TPGS2: variants seen among roughly 807,000 people sequenced by gnomAD.
The protein encoded by TPGS2 is tubulin polyglutamylase complex subunit 2.
Under a neutral mutation model 31.1 loss-of-function variants are expected in TPGS2, and 26 were observed. That is an observed-to-expected ratio of 0.84 (90% CI 0.61 to 1.16). The LOEUF is 1.16. Ranked by LOEUF, TPGS2 falls within the 50% of genes most tolerant of loss-of-function variation. TPGS2 has a pLI of 0.00. For synonymous variants in TPGS2, 130 were observed against 136.6 expected, an observed-to-expected ratio of 0.95 and a Z score of 0.34; for missense variants, 351 against 363.8, an observed-to-expected ratio of 0.96 and a Z score of 0.29.
intron 3 of TPGS2, chr18:36,805,968 C>G (rs541983836): frequency 6.6e-6 from 1 of 152,624 alleles, no homozygotes; most frequent in East Asian, 1.9e-4. Flanking sequence ...AAATTCCCCC[C>G]TTCTCTTTAT....
At chr18:36,815,027 T>G (rs1011516423) in intron 2 of TPGS2, among the ~76,000 whole-genome samples, 5 of 152,330 alleles carry the variant, frequency 3.3e-5, no homozygotes, top group Middle Eastern at 6.8e-3. Context: ...AGGGGCCTTA[T>G]CTGAATGTAT....
chr18:36,821,408 G>C (rs1147762), intron 1 of TPGS2, among the ~76,000 whole-genome samples: 14,912 of 152,116 alleles, frequency 0.098, 2,492 homozygotes, highest in African/African-American at 0.34. Flanking sequence ...CACAGAACTG[G>C]GAGAGACAGT....
chr18:36,813,175 A>C (rs1374424101), intron 2 of TPGS2, among the ~76,000 whole-genome samples: 1 of 152,186 alleles, frequency 6.6e-6, no homozygotes, highest in Non-Finnish European at 1.5e-5. Flanking sequence ...AATAGAGATA[A>C]ATGTTTAATA....
chr18:36,805,332 T>C (rs769316832), intron 4 of TPGS2, 42 bp downstream of exon 4: 1 of 1,609,148 alleles, frequency 6.2e-7, no homozygotes, highest in East Asian at 2.2e-5. Context: ...GGCATGGAGC[T>C]GGATGCTGGA....
At chr18:36,787,658 C>G (rs1018532506) in intron 6 of TPGS2, among the ~76,000 whole-genome samples, 7 of 152,176 alleles carry the variant, frequency 4.6e-5, no homozygotes, top group Admixed American at 3.3e-4. Context: ...CTTATTTAGA[C>G]AAGGTGATTT....
chr18:36,805,122 C>T (rs1423675854), intron 4 of TPGS2, among the ~76,000 whole-genome samples: 1 of 152,190 alleles, frequency 6.6e-6, no homozygotes, highest in Non-Finnish European at 1.5e-5. Context: ...CCCAGTTGCT[C>T]CTAGGTTTTA....
chr18:36,800,354 C>T (rs1208613285), intron 4 of TPGS2, 43 bp from the exon 5 acceptor site: 5 of 1,561,950 alleles, frequency 3.2e-6, no homozygotes, highest in Admixed American at 3.3e-5. Context: ...ACAAACTCAA[C>T]TCAAACACAT....
rs889606940 is a variant in TPGS2, at chr18:36,800,787, T to C, written c.383-476A>G. ...TCACTGCAACCTCCACCTCCCGGGT[T>C]GAAGCAATTCTCCTACTTCAGCCTC... is the stretch of plus-strand genomic sequence containing the variant. On this transcript the variant is annotated intron_variant, in intron 4 of 6. Transcript: ENST00000334295. Among the ~76,000 whole-genome samples the C allele has an allele frequency of 2.0e-5, 3 of 152,088 alleles. No individual in the cohort carries two copies. The East Asian group carries it at 5.8e-4, about 29-fold the overall frequency.
chr18:36,822,057 G>A (rs1006430820), intron 1 of TPGS2, among the ~76,000 whole-genome samples: 1 of 152,204 alleles, frequency 6.6e-6, no homozygotes, highest in Admixed American at 6.5e-5. Flanking sequence ...TGGTCTCAGA[G>A]GGCTGGAAGT....
intron 5 of TPGS2, 68 bp from the exon 6 acceptor site, chr18:36,798,677 A>G (rs1399667962): frequency 6.4e-7 from 1 of 1,552,106 alleles, no homozygotes; most frequent in Non-Finnish European, 8.7e-7. Flanking sequence ...TTAACTGTAA[A>G]AGGTTATACT....
rs1242954403 is a variant in TPGS2 at position 36,828,611 on chromosome 18, C to T, written c.85+72G>A. 2.6e-6 allele frequency: 4 copies of T among 1,551,154 alleles called. No homozygotes were observed. The South Asian group carries it at 3.4e-5, about 13-fold the overall frequency. ...CTGGGGCCAGCGTCGCACCGCTCAC[C>T]CCGCACCTCATCCCTCCGCTCCTCC... On this transcript the variant is annotated intron_variant, in intron 1 of 6. Transcript: ENST00000334295.
Position 36,795,039 on chromosome 18 carries a change from T to C in TPGS2, c.*1766A>G. 2 of 985,428 alleles carry C rather than the reference T, an allele frequency of 2.0e-6. No homozygotes were observed. The highest frequency in any genetic ancestry group is 2.4e-6 in the Non-Finnish European group (2 of 829,928). 61.0% of individuals were successfully genotyped at this position (985,428 alleles called of 1,614,324 possible). ...CTGATATTTCAAGACTTTGAACTAT[T>C]ACAAATATGGGGAAGCAGCCAGTTA... On this transcript the variant is annotated 3_prime_UTR_variant, in exon 7 of 7. Transcript: ENST00000334295.
intron 2 of TPGS2, among the ~76,000 whole-genome samples, chr18:36,818,174 C>T (rs1055566220): frequency 2.0e-5 from 3 of 152,148 alleles, no homozygotes; most frequent in African/African-American, 7.2e-5. Context: ...ATCCCATCTA[C>T]CTGGTTAACA....
intron 2 of TPGS2, among the ~76,000 whole-genome samples, chr18:36,814,370 G>A (rs2045562140): frequency 6.6e-6 from 1 of 152,150 alleles, no homozygotes; most frequent in Non-Finnish European, 1.5e-5. Context: ...CTGAAATTGT[G>A]TATTTAAGAA....
In TPGS2 at chr18:36,828,983, G is replaced by A; in HGVS notation, c.-216C>T. ...CCCGGTGCCCCACACCGCACCTCCG[G>A]GACGTAGCTTCCCCTTCGCCCCCAC... On this transcript the variant is annotated 5_prime_UTR_variant, in exon 1 of 7. Coordinates refer to ENST00000334295, the MANE Select transcript of TPGS2 (RefSeq NM_015476.4). The A allele has an allele frequency of 9.3e-7, 1 of 1,075,868 alleles. No individual in the cohort carries two copies. The highest frequency in any genetic ancestry group is 3.5e-5 in the Admixed American group (1 of 28,962). 66.6% of individuals were successfully genotyped at this position (1,075,868 alleles called of 1,614,324 possible). A position where few individuals can be genotyped will look rare whatever the true frequency, so the allele number is the denominator to read the frequency against.
chr18:36,800,985 C>T (rs1181602053), intron 4 of TPGS2, among the ~76,000 whole-genome samples: 4 of 152,164 alleles, frequency 2.6e-5, no homozygotes, highest in African/African-American at 7.2e-5. Flanking sequence ...CCACCGCGCC[C>T]GGTCAGAACC....
In TPGS2 at chr18:36,795,788, T is replaced by TAA; in HGVS notation, c.*1015_*1016dup. ...GTTCTAAGCAGGAGACTGCTTGTCC[T>TAA]AAGGATGGCCAGGGACCAGGCAAAG... is the stretch of plus-strand genomic sequence containing the variant. On this transcript the variant is annotated 3_prime_UTR_variant, in exon 7 of 7. Coordinates refer to ENST00000334295, the MANE Select transcript of TPGS2 (RefSeq NM_015476.4). 1 of 985,416 alleles carries TAA rather than the reference T, an allele frequency of 1.0e-6. No individual in the cohort carries two copies. Among genetic ancestry groups the TAA allele is most frequent in the Non-Finnish European group, 1.2e-6 (1 of 829,934 alleles). 61.0% of individuals were successfully genotyped at this position (985,416 alleles called of 1,614,324 possible). A position where few individuals can be genotyped will look rare whatever the true frequency, so the allele number is the denominator to read the frequency against.
Position 36,795,995 on chromosome 18 carries a change from TTAA to T in TPGS2, c.*807_*809del, listed in dbSNP as rs754009451. On this transcript the variant is annotated 3_prime_UTR_variant, in exon 7 of 7. Coordinates refer to ENST00000334295, the MANE Select transcript of TPGS2 (RefSeq NM_015476.4). ...GCAGAAGTACACCTTCTTTAAAAAGTTAATAAGGAAGATAATTGTGGAACGTGT... is the reference window on the plus strand; with the variant it reads ...GCAGAAGTACACCTTCTTTAAAAAGTTAAGGAAGATAATTGTGGAACGTGT... 7.7e-5 allele frequency: 76 copies of T among 985,276 alleles called. No homozygotes were observed. Among genetic ancestry groups the T allele is most frequent in the Non-Finnish European group, 8.9e-5 (74 of 829,920 alleles). 61.0% of individuals were successfully genotyped at this position (985,276 alleles called of 1,614,324 possible). A position where few individuals can be genotyped will look rare whatever the true frequency, so the allele number is the denominator to read the frequency against.
At chr18:36,801,531 G>A (rs181953318) in intron 4 of TPGS2, among the ~76,000 whole-genome samples, 4 of 152,088 alleles carry the variant, frequency 2.6e-5, no homozygotes, top group Non-Finnish European at 2.9e-5. Context: ...ATGGAGTTTC[G>A]CTATGTTGCC....
Sources: gnomAD v4.1 joint callset for allele counts (sites outside exome capture counted in the v4.1 genomes callset) on GRCh38, gnomAD v4.1.1 for gene constraint, MANE v1.5 for transcripts, NCBI Gene and HGNC (gene_info 2026-07-23, HGNC 2026-07-21) for gene names.